Variants in GALNT14 observed in about 807,000 individuals in gnomAD.
GALNT14 encodes UDP-GalNAc:polypeptide N-acetylgalactosaminyltransferase 14.
In GALNT14, 60 loss-of-function variants were observed where a neutral mutation model predicts 77.5. The observed-to-expected ratio is 0.77, with a 90% CI of 0.63 to 0.96. The LOEUF is 0.96. Among genes scored for constraint, GALNT14 ranks in the 40% least tolerant of loss-of-function variants. GALNT14 has a pLI of 0.00. For synonymous variants in GALNT14, 280 were observed against 281.7 expected (o/e 0.99, Z 0.06); for missense variants, 710 against 731.0 (o/e 0.97, Z 0.33).
chr2:31,052,888 G>C (rs184674428), intron 1 of GALNT14, among the ~76,000 whole-genome samples: 1 of 152,308 alleles, frequency 6.6e-6, no homozygotes, highest in South Asian at 2.1e-4. Context: ...AAATAGAACT[G>C]GGTGTCCAAT....
chr2:30,951,880 A>T (rs1166038259), intron 6 of GALNT14, among the ~76,000 whole-genome samples: 7 of 152,162 alleles, frequency 4.6e-5, no homozygotes, highest in Non-Finnish European at 7.3e-5. Flanking sequence ...CTTCAGTTCC[A>T]GGGTGCATGG....
chr2:30,949,012 G>A (rs1666868672), intron 6 of GALNT14, among the ~76,000 whole-genome samples: 1 of 152,090 alleles, frequency 6.6e-6, no homozygotes, highest in Admixed American at 6.6e-5. Flanking sequence ...TATTATTCCT[G>A]TCATAGCTCA....
the GALNT14 span, among the ~76,000 whole-genome samples, chr2:30,900,656 C>T: frequency 6.6e-6 from 1 of 152,016 alleles, no homozygotes; most frequent in African/African-American, 2.4e-5. Context: ...CTTTCCCCCA[C>T]ATATATAAAT....
At chr2:30,946,217 G>A (rs1271908509) in intron 6 of GALNT14, among the ~76,000 whole-genome samples, 4 of 152,200 alleles carry the variant, frequency 2.6e-5, no homozygotes, top group Non-Finnish European at 5.9e-5. Context: ...TTCACCACGA[G>A]TGGGGCTCTA....
At chr2:30,980,444 GCAAA>G (rs1476380134) in intron 2 of GALNT14, among the ~76,000 whole-genome samples, 34 of 152,346 alleles carry the variant, frequency 2.2e-4, no homozygotes, top group African/African-American at 7.5e-4. Context: ...GCCACAGCTA[GCAAA>G]CAGTCACCAA....
chr2:30,932,069 T>C lies in GALNT14; in HGVS notation c.1057A>G (p.Lys353Glu). Residue 353 changes from lysine (K) to glutamate (E), a missense_variant and splice_region_variant, in exon 10 of 15, where the codon AAG (lysine) becomes GAG (glutamate). Physicochemically the swap from Lys to Glu is moderately conservative, Grantham distance 56. Coordinates refer to ENST00000349752, the MANE Select transcript of GALNT14 (RefSeq NM_024572.4). The part of the protein sequence containing the change: ...FPDGNANTYI[K>E]NTKRTAEVWM... Reference sequence around the variant, plus strand: ...CGCGCTGAGCCCCTGGGCACTTACTTTATATACGTGTTGGCATTTCCATCA... The same window carrying C: ...CGCGCTGAGCCCCTGGGCACTTACTCTATATACGTGTTGGCATTTCCATCA... 1 of 1,545,810 alleles carries C rather than the reference T, an allele frequency of 6.5e-7. No homozygotes were observed. Among genetic ancestry groups the C allele is most frequent in the Non-Finnish European group, 8.7e-7 (1 of 1,145,772 alleles).
chr2:31,002,994 G>A (rs1670458532), intron 1 of GALNT14, among the ~76,000 whole-genome samples: 1 of 152,188 alleles, frequency 6.6e-6, no homozygotes, highest in African/African-American at 2.4e-5. Context: ...TGTCTTGGGA[G>A]TTATTTAACT....
chr2:30,943,501 G>A (rs1436916053), intron 8 of GALNT14, among the ~76,000 whole-genome samples: 1 of 152,158 alleles, frequency 6.6e-6, no homozygotes, highest in Non-Finnish European at 1.5e-5. Flanking sequence ...CTTCATCCTG[G>A]GAAACAAGTG....
intron 2 of GALNT14, among the ~76,000 whole-genome samples, chr2:30,971,732 G>GC (rs1408289272): frequency 6.6e-6 from 1 of 152,056 alleles, no homozygotes; most frequent in Admixed American, 6.6e-5. Flanking sequence ...CACAGTCACT[G>GC]CCTCCTGCTC....
At chr2:31,131,770 C>T (rs1435896560) in intron 1 of GALNT14, among the ~76,000 whole-genome samples, 1 of 152,164 alleles carries the variant, frequency 6.6e-6, no homozygotes, top group Non-Finnish European at 1.5e-5. Context: ...TATTCCGTCC[C>T]TGTTCAGTTT....
chr2:30,986,954 T>C (rs1288481940), intron 2 of GALNT14: 1 of 152,158 alleles, frequency 6.6e-6, no homozygotes, highest in Non-Finnish European at 1.5e-5. Flanking sequence ...TGGGGGCCAG[T>C]GTATGAGTAT....
At chr2:30,915,646 A>T (rs1664631290) in intron 13 of GALNT14, among the ~76,000 whole-genome samples, 1 of 152,200 alleles carries the variant, frequency 6.6e-6, no homozygotes, top group South Asian at 2.1e-4. Flanking sequence ...AAGGCAGCAG[A>T]GGTTGCTCAG....
At chr2:30,929,550 C>T in intron 10 of GALNT14, 63 bp from the exon 11 acceptor site, 4 of 1,255,782 alleles carry the variant, frequency 3.2e-6, no homozygotes, top group South Asian at 1.3e-5. Flanking sequence ...CCTGTGAGTG[C>T]CAGTTAAAAT....
chr2:31,103,490 A>ACAC (rs1677392291), intron 1 of GALNT14, among the ~76,000 whole-genome samples: 16 of 150,094 alleles, frequency 1.1e-4, no homozygotes, highest in African/African-American at 3.2e-4. Context: ...AGAAGAAGGA[A>ACAC]ACACACACAC....
At chr2:31,118,589 G>C (rs1678232833) in intron 1 of GALNT14, among the ~76,000 whole-genome samples, 1 of 152,042 alleles carries the variant, frequency 6.6e-6, no homozygotes, top group Non-Finnish European at 1.5e-5. Flanking sequence ...ATGTGATATA[G>C]AATATCTAAT....
chr2:30,984,946 T>G (rs1312366775), intron 2 of GALNT14, among the ~76,000 whole-genome samples: 1 of 149,762 alleles, frequency 6.7e-6, no homozygotes, highest in African/African-American at 2.5e-5. Context: ...AGGAAATTCG[T>G]GTATTAATTC....
At chr2:30,913,095 T>C (rs1664470417) in intron 13 of GALNT14, among the ~76,000 whole-genome samples, 1 of 152,066 alleles carries the variant, frequency 6.6e-6, no homozygotes, top group Non-Finnish European at 1.5e-5. Context: ...ATTCCAACAT[T>C]TTTCCTCCAA....
intron 1 of GALNT14, among the ~76,000 whole-genome samples, chr2:31,014,606 C>T (rs763982464): frequency 1.1e-4 from 16 of 152,156 alleles, no homozygotes; most frequent in African/African-American, 2.4e-4. Flanking sequence ...CCCTGAGGAA[C>T]GCAGCATGCT....
intron 1 of GALNT14, among the ~76,000 whole-genome samples, chr2:31,090,925 A>G (rs1272809739): frequency 6.6e-6 from 1 of 152,240 alleles, no homozygotes; most frequent in Non-Finnish European, 1.5e-5. Context: ...CAAAGTGAGT[A>G]CTAATTCACA....
Sources: allele counts gnomAD v4.1 joint callset (sites outside exome capture counted in the v4.1 genomes callset), GRCh38; gene constraint gnomAD v4.1.1; transcripts MANE v1.5; gene names NCBI Gene and HGNC (gene_info 2026-07-23, HGNC 2026-07-21).